ERBB4: variants seen among roughly 807,000 people sequenced by gnomAD.
ERBB4 encodes receptor tyrosine-protein kinase erbB-4.
ERBB4 carries 42 observed loss-of-function variants against 158.0 expected under a neutral mutation model. The ratio of observed to expected loss-of-function variants is 0.27; its 90% CI spans 0.21 to 0.34. The LOEUF (loss-of-function observed/expected upper bound fraction) is 0.34. Ranked by LOEUF, ERBB4 falls within the 10% of genes least tolerant of loss-of-function variation. ERBB4 has a pLI of 1.00. For synonymous variants in ERBB4, 583 were observed against 558.7 expected (o/e 1.04, Z -0.61); for missense variants, 1,333 against 1,624.1 (o/e 0.82, Z 3.08).
intron 1 of ERBB4, among the ~76,000 whole-genome samples, chr2:212,179,599 C>G (rs990079650): frequency 6.6e-6 from 1 of 151,574 alleles, no homozygotes; most frequent in East Asian, 1.9e-4. Context: ...CCTTTAGCTG[C>G]ATTTGTGCCC....
At chr2:212,015,846 C>T (rs1402955919) in intron 2 of ERBB4, among the ~76,000 whole-genome samples, 2 of 152,154 alleles carry the variant, frequency 1.3e-5, no homozygotes, top group Admixed American at 6.5e-5. Context: ...TGACCTTGAA[C>T]AGTTTTAGAA....
Position 212,286,610 on chromosome 2 carries a change from T to TTGTTTTTTTTTTG in ERBB4, c.83-161708_83-161707insCAAAAAAAAAACA, listed in dbSNP as rs1166829385. On this transcript the variant is annotated intron_variant, in intron 1 of 27. Coordinates refer to ENST00000342788, the MANE Select transcript of ERBB4 (RefSeq NM_005235.3). ...AAGTGCTGACTTTTTTTTTTTTTTT[T>TTGTTTTTTTTTTG]TTTTTTTTTTGACACAGAGTCTCGC... Among the ~76,000 whole-genome samples, 18 of 134,670 alleles carry TTGTTTTTTTTTTG rather than the reference T, an allele frequency of 1.3e-4. 1 individual carries two copies. The highest frequency in any genetic ancestry group is 2.7e-4 in the Non-Finnish European group (17 of 63,808). 88.3% of individuals were successfully genotyped at this position (134,670 alleles called of 152,430 possible).
At chr2:212,379,447 C>A (rs550505052) in intron 1 of ERBB4, among the ~76,000 whole-genome samples, 2 of 151,300 alleles carry the variant, frequency 1.3e-5, no homozygotes, top group Non-Finnish European at 3.0e-5. Context: ...TGCAGTATGA[C>A]GAAAAGTTAT....
At chr2:212,293,186 C>T (rs2086272615) in intron 1 of ERBB4, among the ~76,000 whole-genome samples, 1 of 151,868 alleles carries the variant, frequency 6.6e-6, no homozygotes, top group South Asian at 2.1e-4. Context: ...AATATATTTC[C>T]AAGCATATAA....
chr2:212,230,483 A>G (rs551716606), intron 1 of ERBB4, among the ~76,000 whole-genome samples: 1 of 152,284 alleles, frequency 6.6e-6, no homozygotes, highest in African/African-American at 2.4e-5. Flanking sequence ...TTTTTGTCAA[A>G]TTGCCAAATT....
intron 2 of ERBB4, among the ~76,000 whole-genome samples, chr2:212,040,813 C>T (rs566161341): frequency 4.6e-5 from 7 of 152,176 alleles, no homozygotes; most frequent in African/African-American, 1.2e-4. Flanking sequence ...TTTTCACTGC[C>T]GTGAGATTGA....
chr2:211,757,365 G>A (rs373945204), intron 4 of ERBB4, among the ~76,000 whole-genome samples: 13 of 152,124 alleles, frequency 8.5e-5, no homozygotes, highest in South Asian at 2.1e-4. Context: ...AACATTTATC[G>A]TTGGGATTTT....
At chr2:211,532,683 C>T (rs772982957) in intron 20 of ERBB4, among the ~76,000 whole-genome samples, 15 of 151,744 alleles carry the variant, frequency 9.9e-5, no homozygotes, top group South Asian at 2.1e-4. Flanking sequence ...CTGAACAAGA[C>T]GTCCGGAAAT....
intron 1 of ERBB4, among the ~76,000 whole-genome samples, chr2:212,353,508 C>T (rs974895247): frequency 7.3e-5 from 11 of 151,004 alleles, no homozygotes; most frequent in African/African-American, 2.7e-4. Flanking sequence ...CAGATATAAT[C>T]TACACTAGCT....
intron 1 of ERBB4, among the ~76,000 whole-genome samples, chr2:212,477,716 T>G (rs977497619): frequency 6.6e-6 from 1 of 152,122 alleles, no homozygotes; most frequent in African/African-American, 2.4e-5. Context: ...AGAGGCGAGA[T>G]GAAGGTAATT....
Position 211,780,577 on chromosome 2 carries a change from T to C in ERBB4, c.556+7448A>G, listed in dbSNP as rs150506884. ...GGAAAGCCTCTTCTTATAAATAGAGTGTCAAAGGCCTTCTATGGTGTGGGT... is the reference window on the plus strand; with the variant it reads ...GGAAAGCCTCTTCTTATAAATAGAGCGTCAAAGGCCTTCTATGGTGTGGGT... On this transcript the variant is annotated intron_variant, in intron 4 of 27. Transcript: ENST00000342788. Among the ~76,000 whole-genome samples the C allele has an allele frequency of 2.4e-3, 364 of 152,214 alleles. 1 individual carries two copies. Among genetic ancestry groups the C allele is most frequent in the African/African-American group, 8.3e-3 (344 of 41,516 alleles).
intron 4 of ERBB4, among the ~76,000 whole-genome samples, chr2:211,757,386 G>A (rs1661598009): frequency 6.6e-6 from 1 of 152,144 alleles, no homozygotes; most frequent in African/African-American, 2.4e-5. Flanking sequence ...TCATCTTACA[G>A]TATATTACAT....
In ERBB4 at chr2:212,464,188, C is replaced by T. The variant is rs1057509580; in HGVS notation, c.82+74261G>A. 5.3e-5 allele frequency among the ~76,000 whole-genome samples: 8 copies of T among 152,154 alleles called. No individual in the cohort carries two copies. In the East Asian group the frequency reaches 9.7e-4, roughly 18 times the overall value. On this transcript the variant is annotated intron_variant, in intron 1 of 27. Transcript: ENST00000342788. ...AATGATTAAAAATATTTAATTATTG[C>T]TTTGAAATCAAGTATGTTATTTGGT...
chr2:212,530,215 C>T (rs137933030), intron 1 of ERBB4, among the ~76,000 whole-genome samples: 146 of 152,206 alleles, frequency 9.6e-4, no homozygotes, highest in Non-Finnish European at 1.7e-3. Context: ...CCAGATGATG[C>T]TTATAAAAAT....
chr2:211,666,187 T>C (rs1377205040), intron 14 of ERBB4, among the ~76,000 whole-genome samples: 1 of 152,162 alleles, frequency 6.6e-6, no homozygotes, highest in Non-Finnish European at 1.5e-5. Flanking sequence ...AGTCATATTA[T>C]GTCTATTTAT....
chr2:211,957,227 T>C (rs554867316), intron 2 of ERBB4, among the ~76,000 whole-genome samples: 3 of 152,140 alleles, frequency 2.0e-5, no homozygotes, highest in Non-Finnish European at 2.9e-5. Context: ...TTAGGCTAAA[T>C]TGAGGTTATT....
chr2:211,712,430 C>T (rs779905223), intron 8 of ERBB4, among the ~76,000 whole-genome samples: 26 of 152,010 alleles, frequency 1.7e-4, no homozygotes, highest in Non-Finnish European at 2.6e-4. Context: ...ATATCAAGAC[C>T]CAGTATACAC....
At chr2:212,438,156 T>C (rs1308189585) in intron 1 of ERBB4, among the ~76,000 whole-genome samples, 2 of 152,030 alleles carry the variant, frequency 1.3e-5, no homozygotes, top group Non-Finnish European at 2.9e-5. Flanking sequence ...ATTTAATACA[T>C]TTTTATAACT....
intron 2 of ERBB4, among the ~76,000 whole-genome samples, chr2:212,019,491 G>T (rs545255754): frequency 6.6e-6 from 1 of 152,034 alleles, no homozygotes; most frequent in Non-Finnish European, 1.5e-5. Context: ...GGCAGGGCAC[G>T]GTGGCTCTCA....
Sources: gnomAD v4.1 joint callset for allele counts (sites outside exome capture counted in the v4.1 genomes callset) on GRCh38, gnomAD v4.1.1 for gene constraint, MANE v1.5 for transcripts, NCBI Gene and HGNC (gene_info 2026-07-23, HGNC 2026-07-21) for gene names.